GRIK1: variants seen among roughly 807,000 people sequenced by gnomAD.
GRIK1 encodes glutamate receptor ionotropic, kainate 1.
Under a neutral mutation model 105.7 loss-of-function variants are expected in GRIK1, and 69 were observed. The ratio of observed to expected loss-of-function variants is 0.65; its 90% CI spans 0.54 to 0.80. The LOEUF is 0.80. Ranked by LOEUF, GRIK1 falls within the 30% of genes least tolerant of loss-of-function variation. GRIK1 has a pLI of 0.00. For synonymous variants in GRIK1, 438 were observed against 431.3 expected (o/e 1.02, Z -0.19); for missense variants, 1,109 against 1,167.3 (o/e 0.95, Z 0.73).
chr21:29,653,909 C>A (rs930304447), intron 5 of GRIK1, among the ~76,000 whole-genome samples: 1 of 152,212 alleles, frequency 6.6e-6, no homozygotes, highest in South Asian at 2.1e-4. Context: ...ATGTCCTCTG[C>A]ACTCTCAAAG....
At chr21:29,916,988 A>G (rs1160719059) in intron 1 of GRIK1, among the ~76,000 whole-genome samples, 1 of 151,994 alleles carries the variant, frequency 6.6e-6, no homozygotes, top group Non-Finnish European at 1.5e-5. Flanking sequence ...CACAGTCTCA[A>G]TTCTCTCCAG....
chr21:29,854,920 T>G (rs973187103), intron 1 of GRIK1, among the ~76,000 whole-genome samples: 24 of 152,252 alleles, frequency 1.6e-4, no homozygotes, highest in African/African-American at 5.8e-4. Context: ...TAGTAATGCT[T>G]CATCCAGGGA....
At chr21:29,693,116 C>T (rs2063616715) in intron 2 of GRIK1, among the ~76,000 whole-genome samples, 1 of 152,158 alleles carries the variant, frequency 6.6e-6, no homozygotes, top group African/African-American at 2.4e-5. Context: ...CAAAGAACCC[C>T]CCCAATCTGG....
intron 3 of GRIK1, among the ~76,000 whole-genome samples, chr21:29,683,708 C>A (rs1342717352): frequency 1.3e-5 from 2 of 152,210 alleles, no homozygotes; most frequent in Admixed American, 6.5e-5. Context: ...ATACTCCAAA[C>A]CTCAACATCA....
At chr21:29,907,023 T>TA (rs61372535) in intron 1 of GRIK1, among the ~76,000 whole-genome samples, 13,470 of 137,602 alleles carry the variant, frequency 0.098, 1,258 homozygotes, top group African/African-American at 0.25. Context: ...TCAATAAAAA[T>TA]AAAAAAAAAA....
chr21:29,867,697 G>A (rs1315751304), intron 1 of GRIK1, among the ~76,000 whole-genome samples: 5 of 152,048 alleles, frequency 3.3e-5, no homozygotes, highest in African/African-American at 1.2e-4. Context: ...GGGAAGCTGA[G>A]GCAGGAGAAT....
At chr21:29,846,455 A>G (rs200395105) in intron 1 of GRIK1, among the ~76,000 whole-genome samples, 20,318 of 101,562 alleles carry the variant, frequency 0.2, 1,724 homozygotes, top group East Asian at 0.32. Flanking sequence ...GAAAGAAGGA[A>G]AGAGAGAGAG....
chr21:29,752,888 C>T (rs1370889362), intron 1 of GRIK1, among the ~76,000 whole-genome samples: 2 of 152,114 alleles, frequency 1.3e-5, no homozygotes, highest in East Asian at 1.9e-4. Flanking sequence ...TGAACAGTAC[C>T]AGGAAAGGAG....
At chr21:29,910,952 T>A (rs545693580) in intron 1 of GRIK1, among the ~76,000 whole-genome samples, 78 of 152,200 alleles carry the variant, frequency 5.1e-4, no homozygotes, top group African/African-American at 1.9e-3. Flanking sequence ...AATATTAATA[T>A]CCTATATGGC....
At chr21:29,542,493 G>A (rs982016085) in intron 16 of GRIK1, among the ~76,000 whole-genome samples, 5 of 152,164 alleles carry the variant, frequency 3.3e-5, no homozygotes, top group Non-Finnish European at 7.4e-5. Context: ...TCTGCCTCAC[G>A]AAGAATGATT....
intron 7 of GRIK1, among the ~76,000 whole-genome samples, chr21:29,640,467 GT>G (rs1055552496): frequency 6.6e-6 from 1 of 152,112 alleles, no homozygotes; most frequent in Non-Finnish European, 1.5e-5. Flanking sequence ...GTTGACAATG[GT>G]TTCTGATTCA....
chr21:29,768,666 T>C (rs2065736493), intron 1 of GRIK1, among the ~76,000 whole-genome samples: 1 of 152,206 alleles, frequency 6.6e-6, no homozygotes, highest in South Asian at 2.1e-4. Flanking sequence ...CTGAACCCCA[T>C]GCTGCAGATC....
intron 1 of GRIK1, among the ~76,000 whole-genome samples, chr21:29,875,016 AT>A (rs1392351717): frequency 7.3e-6 from 1 of 137,900 alleles, no homozygotes; most frequent in African/African-American, 2.6e-5. Context: ...TTTTTTTTTA[AT>A]ATGTGTGTGT....
chr21:29,773,290 C>G (rs1370455621), intron 1 of GRIK1, among the ~76,000 whole-genome samples: 2 of 152,142 alleles, frequency 1.3e-5, no homozygotes, highest in Non-Finnish European at 2.9e-5. Context: ...TGTATTTTCT[C>G]TAGGCTTCAA....
intron 1 of GRIK1, among the ~76,000 whole-genome samples, chr21:29,889,659 C>T (rs1335252777): frequency 6.6e-6 from 1 of 151,928 alleles, no homozygotes; most frequent in African/African-American, 2.4e-5. Flanking sequence ...AAATTACTGC[C>T]CAGTAAGGAA....
At chr21:29,915,861 G>A (rs2070977593) in intron 1 of GRIK1, among the ~76,000 whole-genome samples, 1 of 151,842 alleles carries the variant, frequency 6.6e-6, no homozygotes, top group South Asian at 2.1e-4. Context: ...TCCCCTCTTT[G>A]TTTATCTGTG....
chr21:29,855,108 A>G (rs2068424572), intron 1 of GRIK1, among the ~76,000 whole-genome samples: 1 of 152,170 alleles, frequency 6.6e-6, no homozygotes, highest in African/African-American at 2.4e-5. Flanking sequence ...GACATCATAG[A>G]CAGTCATCTT....
intron 1 of GRIK1, among the ~76,000 whole-genome samples, chr21:29,908,165 AAG>A (rs1233306245): frequency 6.6e-6 from 1 of 152,204 alleles, no homozygotes; most frequent in East Asian, 1.9e-4. Context: ...AGCCGAAAAA[AAG>A]AGGAAAAACA....
At chr21:29,654,966 G>A in intron 4 of GRIK1, 103 bp from the exon 5 acceptor site, 1 of 795,770 alleles carries the variant, frequency 1.3e-6, no homozygotes, top group Non-Finnish European at 2.2e-6. Context: ...GAACAGGAAG[G>A]GACTTTGGAA....
Sources: allele counts gnomAD v4.1 joint callset (sites outside exome capture counted in the v4.1 genomes callset), GRCh38; gene constraint gnomAD v4.1.1; transcripts MANE v1.5; gene names NCBI Gene and HGNC (gene_info 2026-07-23, HGNC 2026-07-21).